SMPD3: variants seen among roughly 807,000 people sequenced by gnomAD.
SMPD3 encodes the protein sphingomyelin phosphodiesterase 3, also known as nSMase-2.
In SMPD3, 21 loss-of-function variants were observed where a neutral mutation model predicts 55.7. The ratio of observed to expected loss-of-function variants is 0.38; its 90% CI spans 0.27 to 0.54. SMPD3 has a LOEUF of 0.54. Among genes scored for constraint, SMPD3 ranks in the 20% least tolerant of loss-of-function variants. The pLI is 0.80. For synonymous variants in SMPD3, 457 were observed against 404.3 expected, an observed-to-expected ratio of 1.13 and a Z score of -1.56; for missense variants, 842 against 899.6, an observed-to-expected ratio of 0.94 and a Z score of 0.82.
At chr16:68,436,893 C>T (rs1460507747) in intron 1 of SMPD3, among the ~76,000 whole-genome samples, 3 of 152,208 alleles carry the variant, frequency 2.0e-5, no homozygotes, top group Non-Finnish European at 2.9e-5. Context: ...ATACACCAGC[C>T]TTTGCCTCTA....
chr16:68,430,810 A>G (rs747859826), intron 1 of SMPD3, among the ~76,000 whole-genome samples: 4 of 152,148 alleles, frequency 2.6e-5, no homozygotes, highest in Non-Finnish European at 4.4e-5. Context: ...TTTATGGTCT[A>G]TTTATTCAAT....
At chr16:68,394,422 T>C (rs919284023) in intron 1 of SMPD3, among the ~76,000 whole-genome samples, 1 of 152,260 alleles carries the variant, frequency 6.6e-6, no homozygotes, top group African/African-American at 2.4e-5. Flanking sequence ...GAATTACAGC[T>C]ATTATTTTTT....
rs775371937 is a variant in SMPD3 at position 68,363,806 on chromosome 16, C to T, written c.1616G>A (p.Gly539Glu). 1.9e-6 allele frequency: 3 copies of T among 1,570,870 alleles called. No homozygotes were observed. The highest frequency in any genetic ancestry group is 2.6e-6 in the Non-Finnish European group (3 of 1,157,882). ...GGCCCACGGCTTCTCCTCACCAGGC[C>T]CCAGGCGGCAGGGGTCCCTGTAGTG... ...FTHYRDPCRLGPGEEKPWAIG... is the reference protein window; with the variant it reads ...FTHYRDPCRLEPGEEKPWAIG... Residue 539 changes from glycine to glutamate, a missense_variant, in exon 6 of 9, where the codon GGG (glycine) becomes GAG (glutamate). Around this residue, in one of 2 missense-constraint regions of SMPD3, gnomAD observed 649 missense variants for 643.6 expected, o/e 1.01. Transcript: ENST00000219334.
chr16:68,367,973 G>T (rs1423430835), intron 3 of SMPD3: 3 of 152,242 alleles, frequency 2.0e-5, no homozygotes, highest in Non-Finnish European at 4.4e-5. Context: ...AACCATGAGG[G>T]CCTTCCGGGA....
chr16:68,418,870 G>A (rs1412246905), intron 1 of SMPD3, among the ~76,000 whole-genome samples: 1 of 152,230 alleles, frequency 6.6e-6, no homozygotes, highest in Non-Finnish European at 1.5e-5. Context: ...TTTGGGTGAT[G>A]AGAAGGCCAG....
chr16:68,427,894 G>C (rs539412000), intron 1 of SMPD3, among the ~76,000 whole-genome samples: 1 of 152,288 alleles, frequency 6.6e-6, no homozygotes, highest in Non-Finnish European at 1.5e-5. Context: ...GTACAAGACA[G>C]GTTCACCTGA....
intron 7 of SMPD3, among the ~76,000 whole-genome samples, chr16:68,362,204 G>C (rs1348004348): frequency 6.6e-6 from 1 of 152,176 alleles, no homozygotes; most frequent in Admixed American, 6.5e-5. Context: ...AGTCTCAAAT[G>C]GGGCTGTCCC....
rs138029149 is a variant in SMPD3 at position 68,378,954 on chromosome 16, G to A, written c.-206-6567C>T. On this transcript the variant is annotated intron_variant, in intron 2 of 8. Coordinates refer to ENST00000219334, the MANE Select transcript of SMPD3 (RefSeq NM_018667.4). ...GACATCGTTGAGCTCTGATCTCCCC[G>A]CACCCAAAGCCAGCACAACCCACAG... Among the ~76,000 whole-genome samples, 230 of 152,322 alleles carry A rather than the reference G, an allele frequency of 1.5e-3. 3 individuals are homozygous for A. The highest frequency in any genetic ancestry group is 5.2e-3 in the African/African-American group (217 of 41,570).
In SMPD3 at chr16:68,371,731, C is replaced by T; in HGVS notation, c.451G>A (p.Ala151Thr). 2 of 1,603,402 alleles carry T rather than the reference C, an allele frequency of 1.2e-6. No individual in the cohort carries two copies. The highest frequency in any genetic ancestry group is 8.5e-7 in the Non-Finnish European group (1 of 1,173,458). ...CGGATTCTCTGCCCGATCTCCTTGG[C>T]CCGCGCTTGGGTGTTAAAAAGGTTG... ...VNNLFNTQAR[A>T]KEIGQRIRNG... Residue 151 changes from alanine (A) to threonine (T), a missense_variant, in exon 3 of 9, where the codon GCC (alanine) becomes ACC (threonine). By Grantham distance (58) the Ala-to-Thr change is moderately conservative. Transcript: ENST00000219334.
chr16:68,371,236 C>G lies in SMPD3; in HGVS notation c.946G>C (p.Glu316Gln), dbSNP rs2089656456. ...RAGPDTSASG[E>Q]PGANSKLLYK... ...AGGAGCTTGCTGTTGGCACCTGGCT[C>G]CCCGCTGGCACTGGTGTCTGGCCCA... Residue 316 changes from glutamate (E) to glutamine (Q), a missense_variant, in exon 3 of 9, where the codon GAG (glutamate) becomes CAG (glutamine). By Grantham distance (29) the Glu-to-Gln change is conservative (BLOSUM62 2). Around this residue, in one of 2 missense-constraint regions of SMPD3, gnomAD observed 649 missense variants for 643.6 expected, o/e 1.01. Transcript: ENST00000219334. 6.2e-7 allele frequency: 1 copy of G among 1,606,380 alleles called. No homozygotes were observed. The highest frequency in any genetic ancestry group is 8.5e-7 in the Non-Finnish European group (1 of 1,177,250).
chr16:68,362,933 C>T (rs1252343173), intron 7 of SMPD3, among the ~76,000 whole-genome samples: 1 of 152,236 alleles, frequency 6.6e-6, no homozygotes, highest in Non-Finnish European at 1.5e-5. Context: ...GCTGTGACTG[C>T]AGTCTCGGGC....
At chr16:68,419,404 G>A (rs1226755798) in intron 1 of SMPD3, among the ~76,000 whole-genome samples, 5 of 152,228 alleles carry the variant, frequency 3.3e-5, no homozygotes, top group Non-Finnish European at 7.3e-5. Context: ...AGAAACAGGT[G>A]ATGGCTGGGT....
chr16:68,394,650 A>G (rs1168048325), intron 1 of SMPD3, among the ~76,000 whole-genome samples: 1 of 152,246 alleles, frequency 6.6e-6, no homozygotes, highest in African/African-American at 2.4e-5. Context: ...AGGATTCAGA[A>G]TTCTTCAGTC....
At chr16:68,381,408 G>A (rs1457200092) in intron 2 of SMPD3, among the ~76,000 whole-genome samples, 1 of 152,144 alleles carries the variant, frequency 6.6e-6, no homozygotes, top group Non-Finnish European at 1.5e-5. Context: ...TTTCCCTTTA[G>A]TTTACCTCTG....
intron 1 of SMPD3, among the ~76,000 whole-genome samples, chr16:68,400,661 G>C (rs144007812): frequency 6.8e-4 from 103 of 152,298 alleles, no homozygotes; most frequent in African/African-American, 2.4e-3. Flanking sequence ...ACACACAGAT[G>C]GGGGCATGTT....
intron 1 of SMPD3, among the ~76,000 whole-genome samples, chr16:68,415,069 G>T (rs1389938786): frequency 6.6e-6 from 1 of 152,112 alleles, no homozygotes; most frequent in African/African-American, 2.4e-5. Context: ...GTGGCTGGCG[G>T]ACATCCAGGT....
chr16:68,382,205 C>T (rs71395857), intron 2 of SMPD3: 9,040 of 152,308 alleles, frequency 0.059, 361 homozygotes, highest in Middle Eastern at 0.13. Flanking sequence ...GAAACCTCTG[C>T]CAGGGGTCAG....
intron 1 of SMPD3, among the ~76,000 whole-genome samples, chr16:68,388,176 C>T (rs770419965): frequency 2.6e-5 from 4 of 152,174 alleles, no homozygotes; most frequent in East Asian, 1.9e-4. Flanking sequence ...ATGCTCTGCA[C>T]GTGGTGACCT....
intron 1 of SMPD3, among the ~76,000 whole-genome samples, chr16:68,393,634 T>C (rs1220853397): frequency 6.6e-6 from 1 of 152,216 alleles, no homozygotes; most frequent in Non-Finnish European, 1.5e-5. Context: ...GGTTTGAGAA[T>C]ATTAGAGTGT....
Sources: gnomAD v4.1 joint callset for allele counts (sites outside exome capture counted in the v4.1 genomes callset) on GRCh38, gnomAD v4.1.1 for gene constraint, gnomAD v4.1.1 regional missense constraint, MANE v1.5 for transcripts, NCBI Gene and HGNC (gene_info 2026-07-23, HGNC 2026-07-21) for gene names.